Variants in DENND5B observed in about 807,000 individuals in gnomAD.
DENND5B encodes DENN domain-containing protein 5B.
DENND5B carries 34 observed loss-of-function variants against 140.6 expected under a neutral mutation model. That is an observed-to-expected ratio of 0.24 (90% CI 0.18 to 0.32). The LOEUF (loss-of-function observed/expected upper bound fraction) is 0.32, where lower values mean the gene tolerates loss of function less well. DENND5B is among the 10% of genes least tolerant of loss of function. The pLI is 1.00. For missense variants in DENND5B, 1,142 were observed against 1,560.2 expected (o/e 0.73, Z 4.52); for synonymous variants, 551 against 562.1 (o/e 0.98, Z 0.28).
chr12:31,421,907 G>A (rs1451248698), intron 11 of DENND5B, among the ~76,000 whole-genome samples: 1 of 152,078 alleles, frequency 6.6e-6, no homozygotes, highest in Admixed American at 6.6e-5. Context: ...ACTAGAGAAT[G>A]CTTTTAAACT....
At chr12:31,480,673 C>T (rs1001412906) in intron 2 of DENND5B, among the ~76,000 whole-genome samples, 2 of 152,092 alleles carry the variant, frequency 1.3e-5, no homozygotes, top group Non-Finnish European at 2.9e-5. Context: ...TATTAAAAAG[C>T]ACTTCACAAA....
chr12:31,419,718 A>G (rs893890749), intron 11 of DENND5B, among the ~76,000 whole-genome samples: 2 of 152,132 alleles, frequency 1.3e-5, no homozygotes, highest in African/African-American at 4.8e-5. Flanking sequence ...TTACACCTGT[A>G]ATCCCAGCAC....
At chr12:31,549,587 G>T (rs1415033566) in intron 1 of DENND5B, among the ~76,000 whole-genome samples, 1 of 151,414 alleles carries the variant, frequency 6.6e-6, no homozygotes, top group South Asian at 2.1e-4. Context: ...GGATATGCAG[G>T]TTTGTTACAC....
intron 5 of DENND5B, among the ~76,000 whole-genome samples, chr12:31,448,235 T>C (rs1944356626): frequency 6.6e-6 from 1 of 151,820 alleles, no homozygotes. Context: ...CCCGGGTTCA[T>C]GCCATTCTCC....
At chr12:31,506,929 T>C (rs1457861416) in intron 1 of DENND5B, among the ~76,000 whole-genome samples, 1 of 152,228 alleles carries the variant, frequency 6.6e-6, no homozygotes, top group African/African-American at 2.4e-5. Context: ...TTACTGGCTT[T>C]ACTACATATG....
At chr12:31,496,766 C>G (rs1246454593) in intron 1 of DENND5B, among the ~76,000 whole-genome samples, 2 of 151,838 alleles carry the variant, frequency 1.3e-5, no homozygotes, top group Admixed American at 1.3e-4. Context: ...TAATAGCTAT[C>G]AGATTAGTTT....
At chr12:31,541,155 T>G (rs1592010644) in intron 1 of DENND5B, 1 of 290,678 alleles carries the variant, frequency 3.4e-6, no homozygotes, top group Admixed American at 4.3e-5. Context: ...TGGGCAAGGA[T>G]TTCTTGAGTA....
Position 31,499,109 on chromosome 12 carries a change from A to G in DENND5B, c.128-3190T>C, listed in dbSNP as rs1315687324. ...GAACAACCTATACTTCTCATTTTAA[A>G]CACAAGTTTTACCTCTAACTTAGAA... On this transcript the variant is annotated intron_variant, in intron 1 of 20. Transcript: ENST00000389082. Among the ~76,000 whole-genome samples, 4 of 152,304 alleles carry G rather than the reference A, an allele frequency of 2.6e-5. 1 individual carries two copies. The highest frequency in any genetic ancestry group is 2.6e-4 in the Admixed American group (4 of 15,292).
At chr12:31,387,827 C>G in intron 20 of DENND5B, 41 bp from the exon 21 acceptor site, 8 of 1,586,266 alleles carry the variant, frequency 5.0e-6, no homozygotes, top group Non-Finnish European at 6.0e-6. Context: ...CATTGCTGGC[C>G]TCGCTGCAGA....
At chr12:31,538,892 TA>T (rs1948592123) in intron 1 of DENND5B, among the ~76,000 whole-genome samples, 2 of 138,424 alleles carry the variant, frequency 1.4e-5, no homozygotes, top group Non-Finnish European at 1.6e-5. Flanking sequence ...AAACAAAAAA[TA>T]AAGATCAGAG....
At chr12:31,541,119 T>A (rs1234266208) in intron 1 of DENND5B, 4 of 414,748 alleles carry the variant, frequency 9.6e-6, no homozygotes, top group Non-Finnish European at 1.9e-5. Flanking sequence ...AAGAAAACAT[T>A]GGGGAACCTC....
intron 1 of DENND5B, among the ~76,000 whole-genome samples, chr12:31,548,739 T>C (rs760136430): frequency 1.3e-4 from 20 of 152,196 alleles, no homozygotes; most frequent in Non-Finnish European, 2.5e-4. Context: ...TTTCAACAAG[T>C]GTGCTTTCAA....
At chr12:31,564,123 A>C (rs1405859429) in intron 1 of DENND5B, among the ~76,000 whole-genome samples, 2 of 152,228 alleles carry the variant, frequency 1.3e-5, no homozygotes. Flanking sequence ...AGCTCAAAAA[A>C]GAAAAGAAAA....
At chr12:31,553,237 T>C (rs564563176) in intron 1 of DENND5B, among the ~76,000 whole-genome samples, 150 of 152,354 alleles carry the variant, frequency 9.8e-4, no homozygotes, top group African/African-American at 3.6e-3. Context: ...GCTTTGAATG[T>C]GTCCCAGAGA....
chr12:31,552,208 G>C (rs1037872600), intron 1 of DENND5B, among the ~76,000 whole-genome samples: 4 of 152,136 alleles, frequency 2.6e-5, no homozygotes, highest in Admixed American at 1.3e-4. Flanking sequence ...GGTTGTCATA[G>C]ATAGCTCTTA....
intron 1 of DENND5B, among the ~76,000 whole-genome samples, chr12:31,497,765 G>A: frequency 9.7e-6 from 1 of 103,612 alleles, no homozygotes; most frequent in South Asian, 4.2e-4. Context: ...GAAAGTAAGG[G>A]GGAGCGGCAT....
At chr12:31,541,444 C>A (rs749037764) in intron 1 of DENND5B, among the ~76,000 whole-genome samples, 1 of 152,032 alleles carries the variant, frequency 6.6e-6, no homozygotes, top group Non-Finnish European at 1.5e-5. Context: ...AACAGGTATA[C>A]GAAAAGCTGC....
At chr12:31,574,508 T>C (rs948787268) in intron 1 of DENND5B, among the ~76,000 whole-genome samples, 11 of 151,948 alleles carry the variant, frequency 7.2e-5, no homozygotes, top group African/African-American at 2.7e-4. Context: ...AAGAATCGCT[T>C]GAACCTGGGA....
chr12:31,567,525 T>TAA (rs35048750), intron 1 of DENND5B, among the ~76,000 whole-genome samples: 22,187 of 91,442 alleles, frequency 0.24, 3,655 homozygotes, highest in Non-Finnish European at 0.3. Context: ...AGACTCTGTC[T>TAA]AAAAAAAAAA....
Sources: gnomAD v4.1 joint callset for allele counts (sites outside exome capture counted in the v4.1 genomes callset) on GRCh38, gnomAD v4.1.1 for gene constraint, MANE v1.5 for transcripts, NCBI Gene and HGNC (gene_info 2026-07-23, HGNC 2026-07-21) for gene names.